Variants in C1GALT1 observed in about 807,000 individuals in gnomAD.
The protein encoded by C1GALT1 is glycoprotein-N-acetylgalactosamine 3-beta-galactosyltransferase 1.
A neutral mutation model predicts 31.0 loss-of-function variants in C1GALT1; 11 were observed. The observed-to-expected ratio is 0.36, with a 90% CI of 0.22 to 0.59. The LOEUF (loss-of-function observed/expected upper bound fraction) is 0.59. Ranked by LOEUF, C1GALT1 falls within the 20% of genes least tolerant of loss-of-function variation. C1GALT1 has a pLI of 0.79. For synonymous variants in C1GALT1, 175 were observed against 143.6 expected, an observed-to-expected ratio of 1.22 and a Z score of -1.56; for missense variants, 424 against 425.2, an observed-to-expected ratio of 1.00 and a Z score of 0.03.
intron 1 of C1GALT1, among the ~76,000 whole-genome samples, chr7:7,233,832 G>C (rs1674893099): frequency 1.3e-5 from 2 of 152,136 alleles, no homozygotes; most frequent in African/African-American, 4.8e-5. Context: ...TGTTTAAGAA[G>C]AAGATGCAAC....
rs1783742868 is a variant in C1GALT1, at chr7:7,243,923, GTAATA to G, written c.*199_*203del. On this transcript the variant is annotated 3_prime_UTR_variant, in exon 4 of 4. Coordinates refer to ENST00000436587, the MANE Select transcript of C1GALT1 (RefSeq NM_020156.5). ...GTGTGTTAAAATGTGTTTTGATACA[GTAATA>G]TATAAATATGTCTATATATATGAGG... The G allele has an allele frequency of 2.4e-6, 1 of 412,688 alleles. No homozygotes were observed. Among genetic ancestry groups the G allele is most frequent in the African/African-American group, 2.1e-5 (1 of 48,776 alleles). 25.6% of individuals were successfully genotyped at this position (412,688 alleles called of 1,614,324 possible).
chr7:7,164,480 G>C (rs1780371854), intron 2 of C1GALT1, among the ~76,000 whole-genome samples: 1 of 152,096 alleles, frequency 6.6e-6, no homozygotes, highest in Admixed American at 6.6e-5. Context: ...TTTGCCATAG[G>C]CTGGGTTTTC....
At chr7:7,219,607 CTAAT>C (rs780145395) in intron 1 of C1GALT1, among the ~76,000 whole-genome samples, 10 of 152,130 alleles carry the variant, frequency 6.6e-5, no homozygotes, top group Admixed American at 1.3e-4. Flanking sequence ...GAGATTCTCA[CTAAT>C]TAAGAGTTTA....
At chr7:7,191,541 G>T (rs1210230230) in intron 1 of C1GALT1, among the ~76,000 whole-genome samples, 2 of 151,962 alleles carry the variant, frequency 1.3e-5, no homozygotes, top group Non-Finnish European at 2.9e-5. Context: ...TTAATTTTTT[G>T]AGGAATTTTC....
At chr7:7,212,770 A>G (rs998061989) in intron 1 of C1GALT1, among the ~76,000 whole-genome samples, 5 of 152,144 alleles carry the variant, frequency 3.3e-5, no homozygotes, top group African/African-American at 1.2e-4. Flanking sequence ...GAGTACATTC[A>G]CAAGGGAGGG....
At chr7:7,204,457 T>G (rs1205980088) in intron 1 of C1GALT1, among the ~76,000 whole-genome samples, 1 of 152,078 alleles carries the variant, frequency 6.6e-6, no homozygotes, top group East Asian at 1.9e-4. Context: ...TCTTTTCTTT[T>G]TTTCTTAGTC....
At chr7:7,223,277 A>G (rs1026060300) in intron 1 of C1GALT1, among the ~76,000 whole-genome samples, 4 of 149,982 alleles carry the variant, frequency 2.7e-5, no homozygotes, top group African/African-American at 7.4e-5. Flanking sequence ...TCCTGCTTCA[A>G]CCTCCCCAGT....
chr7:7,179,906 C>T (rs1412915840), upstream of C1GALT1, among the ~76,000 whole-genome samples: 4 of 150,324 alleles, frequency 2.7e-5, no homozygotes, highest in South Asian at 2.1e-4. Flanking sequence ...ATGGCTAAAG[C>T]GATATTTCTT....
intron 1 of C1GALT1, among the ~76,000 whole-genome samples, chr7:7,210,738 G>A (rs955994825): frequency 6.6e-6 from 1 of 152,142 alleles, no homozygotes; most frequent in Admixed American, 6.5e-5. Context: ...CGCTCGTCGG[G>A]ATTCCAGGAA....
At chr7:7,170,381 TC>T (rs1383891431) in intron 2 of C1GALT1, among the ~76,000 whole-genome samples, 3 of 152,202 alleles carry the variant, frequency 2.0e-5, no homozygotes, top group Non-Finnish European at 2.9e-5. Context: ...CCATTGGTTA[TC>T]TTTTGTCTTT....
chr7:7,213,712 A>G (rs1022968460), intron 1 of C1GALT1, among the ~76,000 whole-genome samples: 7 of 152,202 alleles, frequency 4.6e-5, no homozygotes, highest in Admixed American at 1.3e-4. Flanking sequence ...GTTAACCCCA[A>G]TTAGTTTAAA....
rs1783930540 is a variant in C1GALT1 at position 7,248,376 on chromosome 7, A to G, written c.*4649A>G. ...CTACATGAAGTATATTATTAGAGGG[A>G]AACTAATCTTACTGCTAAGCAGTGT... On this transcript the variant is annotated 3_prime_UTR_variant, in exon 4 of 4. Transcript: ENST00000436587. 6.6e-6 allele frequency: 1 copy of G among 151,990 alleles called. No individual in the cohort carries two copies. The highest frequency in any genetic ancestry group is 1.5e-5 in the Non-Finnish European group (1 of 67,876). 9.4% of individuals were successfully genotyped at this position (151,990 alleles called of 1,614,324 possible). A position where few individuals can be genotyped will look rare whatever the true frequency, so the allele number is the denominator to read the frequency against.
chr7:7,189,847 T>C lies in C1GALT1; in HGVS notation c.-18+7027T>C, dbSNP rs146972293. Among the ~76,000 whole-genome samples the C allele has an allele frequency of 1.4e-3, 219 of 152,296 alleles. 2 individuals carry two copies. The highest frequency in any genetic ancestry group is 2.6e-3 in the Non-Finnish European group (177 of 68,026). ...ACTGAAATCTTAGAAACATTTGAAA[T>C]TGTTACTAGAAAGTAAGGATCCAGC... On this transcript the variant is annotated intron_variant, in intron 1 of 3. Coordinates refer to ENST00000436587, the MANE Select transcript of C1GALT1 (RefSeq NM_020156.5).
At chr7:7,197,454 A>G (rs1412422823) in intron 1 of C1GALT1, among the ~76,000 whole-genome samples, 1 of 152,124 alleles carries the variant, frequency 6.6e-6, no homozygotes, top group African/African-American at 2.4e-5. Context: ...GCCTTGTAGT[A>G]TAGTTTGAAG....
At chr7:7,210,896 A>C (rs1781972784) in intron 1 of C1GALT1, among the ~76,000 whole-genome samples, 1 of 152,198 alleles carries the variant, frequency 6.6e-6, no homozygotes, top group African/African-American at 2.4e-5. Context: ...TGCTTTAAAA[A>C]ATGAAAACTT....
intron 1 of C1GALT1, among the ~76,000 whole-genome samples, chr7:7,191,830 T>A (rs948903505): frequency 6.6e-6 from 1 of 152,108 alleles, no homozygotes; most frequent in Admixed American, 6.6e-5. Flanking sequence ...TGATTTTTTT[T>A]GTTTGAGTTT....
Position 7,243,622 on chromosome 7 carries a change from T to C in C1GALT1, c.987T>C (p.Tyr329=), listed in dbSNP as rs1392409265. 1 of 1,612,708 alleles carries C rather than the reference T, an allele frequency of 6.2e-7. No homozygotes were observed. Among genetic ancestry groups the C allele is most frequent in the South Asian group, 1.1e-5 (1 of 90,916 alleles). ...ACCTCGTTTATCATCTTCGTCCATA[T>C]GGTTATTTATACAGATATCAACCTA... is the stretch of plus-strand genomic sequence containing the variant. ...LEYLVYHLRP[Y]GYLYRYQPTL... Residue 329 remains tyrosine, a synonymous_variant, in exon 4 of 4, where the codon TAT becomes TAC. Transcript: ENST00000436587.
At chr7:7,228,136 A>G (rs572796710) in intron 1 of C1GALT1, among the ~76,000 whole-genome samples, 2 of 152,270 alleles carry the variant, frequency 1.3e-5, no homozygotes, top group African/African-American at 2.4e-5. Flanking sequence ...TACCTCTCCT[A>G]TTTTTGTTAT....
intron 1 of C1GALT1, among the ~76,000 whole-genome samples, chr7:7,184,862 T>A (rs999388705): frequency 1.3e-5 from 2 of 152,244 alleles, no homozygotes; most frequent in African/African-American, 4.8e-5. Context: ...AAGAAAGGTA[T>A]GACAAAAATC....
Sources: allele counts gnomAD v4.1 joint callset (sites outside exome capture counted in the v4.1 genomes callset), GRCh38; gene constraint gnomAD v4.1.1; transcripts MANE v1.5; gene names NCBI Gene and HGNC (gene_info 2026-07-23, HGNC 2026-07-21).